Variants in ADCY2 observed in about 807,000 individuals in gnomAD.
ADCY2 encodes adenylate cyclase 2.
In ADCY2, 31 loss-of-function variants were observed where a neutral mutation model predicts 125.2. The observed-to-expected ratio is 0.25, with a 90% CI of 0.19 to 0.33. ADCY2 has a LOEUF of 0.33. Among genes scored for constraint, ADCY2 ranks in the 10% least tolerant of loss-of-function variants. ADCY2 has a pLI of 1.00. For synonymous variants in ADCY2, 512 were observed against 548.4 expected (o/e 0.93, Z 0.93); for missense variants, 904 against 1,418.2 (o/e 0.64, Z 5.82).
intron 3 of ADCY2, among the ~76,000 whole-genome samples, chr5:7,546,284 A>G (rs1197900554): frequency 5.3e-5 from 8 of 152,238 alleles, no homozygotes; most frequent in African/African-American, 1.9e-4. Context: ...ATGGTAACGC[A>G]TGACTAAATA....
intron 2 of ADCY2, among the ~76,000 whole-genome samples, chr5:7,444,590 T>C (rs1238333652): frequency 1.3e-5 from 2 of 152,200 alleles, no homozygotes; most frequent in Non-Finnish European, 2.9e-5. Context: ...AATCTTTTAC[T>C]CTTAGCAATG....
chr5:7,748,848 G>A (rs56297815), intron 15 of ADCY2, among the ~76,000 whole-genome samples: 84 of 152,280 alleles, frequency 5.5e-4, no homozygotes, highest in Non-Finnish European at 8.5e-4. Context: ...GGCCCTTGGA[G>A]GTAATATCCA....
At chr5:7,731,273 T>TG (rs1408930386) in intron 14 of ADCY2, among the ~76,000 whole-genome samples, 1 of 149,736 alleles carries the variant, frequency 6.7e-6, no homozygotes, top group Non-Finnish European at 1.5e-5. Flanking sequence ...TTTTTTTTGA[T>TG]GGAGTCTTGC....
At chr5:7,695,921 T>C in intron 6 of ADCY2, 58 bp downstream of exon 6, 1 of 1,164,656 alleles carries the variant, frequency 8.6e-7, no homozygotes, top group Non-Finnish European at 1.2e-6. Flanking sequence ...GTTTCGTTTT[T>C]CTTCATCCAC....
At chr5:7,520,552 A>C (rs1257377731) in intron 2 of ADCY2, among the ~76,000 whole-genome samples, 186 bp from the exon 3 acceptor site, 1 of 152,162 alleles carries the variant, frequency 6.6e-6, no homozygotes, top group Non-Finnish European at 1.5e-5. Flanking sequence ...TCTCCATCAC[A>C]ACGATTAGTC....
rs571314194 is a variant in ADCY2 at position 7,427,481 on chromosome 5, G to C, written c.408+12711G>C. ...GAGGCTTATGAAACCATCAGATCTC[G>C]TGAGAACTCACTCACTATCAGAGAA... On this transcript the variant is annotated intron_variant, in intron 2 of 24. Transcript: ENST00000338316. 1.2e-3 allele frequency among the ~76,000 whole-genome samples: 179 copies of C among 152,232 alleles called. 3 individuals carry two copies. Among genetic ancestry groups the C allele is most frequent in the Admixed American group, 0.012 (178 of 15,300 alleles).
intron 22 of ADCY2, among the ~76,000 whole-genome samples, chr5:7,808,319 C>T (rs1744821629): frequency 2.0e-5 from 3 of 152,196 alleles, no homozygotes; most frequent in Admixed American, 2.0e-4. Context: ...CCCAGCAGGG[C>T]CTTTAAATGA....
At chr5:7,585,279 A>G (rs1177458850) in intron 3 of ADCY2, among the ~76,000 whole-genome samples, 2 of 152,112 alleles carry the variant, frequency 1.3e-5, no homozygotes, top group Non-Finnish European at 2.9e-5. Flanking sequence ...AAATTCTCCC[A>G]TCTTCTGTGC....
intron 18 of ADCY2, among the ~76,000 whole-genome samples, chr5:7,776,317 C>T (rs546250948): frequency 6.6e-6 from 1 of 152,120 alleles, no homozygotes; most frequent in African/African-American, 2.4e-5. Context: ...GGCAGCACTG[C>T]CTTTTCTGAT....
chr5:7,689,428 C>T (rs986994140), intron 4 of ADCY2, among the ~76,000 whole-genome samples: 1 of 152,200 alleles, frequency 6.6e-6, no homozygotes, highest in African/African-American at 2.4e-5. Context: ...GATCAATGCT[C>T]AGTTATGCCA....
chr5:7,598,288 A>T (rs1379212228), intron 3 of ADCY2, among the ~76,000 whole-genome samples: 1 of 152,186 alleles, frequency 6.6e-6, no homozygotes, highest in Non-Finnish European at 1.5e-5. Context: ...GGGTAACCTC[A>T]CCTCAGAAGC....
At chr5:7,440,951 G>T (rs1306224708) in intron 2 of ADCY2, among the ~76,000 whole-genome samples, 14 of 152,152 alleles carry the variant, frequency 9.2e-5, no homozygotes. Flanking sequence ...CACGTTACAG[G>T]TGAGAAAACC....
At chr5:7,777,612 A>G (rs1349133612) in intron 18 of ADCY2, among the ~76,000 whole-genome samples, 3 of 152,224 alleles carry the variant, frequency 2.0e-5, no homozygotes, top group African/African-American at 7.2e-5. Context: ...AGGCAGTGCC[A>G]GCCATCTTCC....
chr5:7,503,367 A>G (rs1290892903), intron 2 of ADCY2, among the ~76,000 whole-genome samples: 2 of 152,216 alleles, frequency 1.3e-5, no homozygotes, highest in African/African-American at 2.4e-5. Flanking sequence ...GTGAATGTTT[A>G]TAAGTAGAGG....
At chr5:7,560,872 A>G (rs907710366) in intron 3 of ADCY2, among the ~76,000 whole-genome samples, 25 of 152,194 alleles carry the variant, frequency 1.6e-4, no homozygotes, top group East Asian at 7.7e-4. Flanking sequence ...TATTTTTAGT[A>G]GAGACAGGTT....
At chr5:7,692,044 C>G (rs1004880989) in intron 5 of ADCY2, 2 of 152,230 alleles carry the variant, frequency 1.3e-5, no homozygotes, top group African/African-American at 4.8e-5. Context: ...TCCCAGGCCC[C>G]TCCTCCAACA....
At chr5:7,792,812 G>A (rs190165651) in intron 20 of ADCY2, among the ~76,000 whole-genome samples, 183 of 152,292 alleles carry the variant, frequency 1.2e-3, no homozygotes, top group African/African-American at 3.8e-3. Flanking sequence ...TCCGAGCCTC[G>A]CCGTCCTCAT....
intron 1 of ADCY2, among the ~76,000 whole-genome samples, chr5:7,410,579 C>G (rs1441234250): frequency 1.3e-5 from 2 of 152,044 alleles, no homozygotes; most frequent in Non-Finnish European, 2.9e-5. Context: ...TCAAAATCTC[C>G]TGCTTTAAAG....
chr5:7,794,841 A>T (rs1744372589), intron 20 of ADCY2: 1 of 152,076 alleles, frequency 6.6e-6, no homozygotes, highest in Admixed American at 6.5e-5. Context: ...GCTGAATGAT[A>T]ACGGTGCCCA....
Sources: allele counts gnomAD v4.1 joint callset (sites outside exome capture counted in the v4.1 genomes callset), GRCh38; gene constraint gnomAD v4.1.1; transcripts MANE v1.5; gene names NCBI Gene and HGNC (gene_info 2026-07-23, HGNC 2026-07-21).